Variants in NOS1 observed in about 807,000 individuals in gnomAD.
The protein encoded by NOS1 is nitric oxide synthase 1.
Under a neutral mutation model 164.5 loss-of-function variants are expected in NOS1, and 51 were observed. That is an observed-to-expected ratio of 0.31 (90% CI 0.25 to 0.39). The LOEUF is 0.39. NOS1 is among the 10% of genes least tolerant of loss of function. The pLI, the probability that NOS1 is intolerant of heterozygous loss-of-function variation, is 1.00. For missense variants in NOS1, 1,362 were observed against 1,885.6 expected (o/e 0.72, Z 5.14); for synonymous variants, 719 against 745.8 (o/e 0.96, Z 0.59).
At chr12:117,334,691 G>A (rs1875722130) in intron 1 of NOS1, among the ~76,000 whole-genome samples, 1 of 152,162 alleles carries the variant, frequency 6.6e-6, no homozygotes, top group Non-Finnish European at 1.5e-5. Context: ...CATTGCACCT[G>A]GCCGTCAATC....
chr12:117,285,740 T>G lies in NOS1; in HGVS notation c.1290+364A>C, dbSNP rs529817285. On this transcript the variant is annotated intron_variant, in intron 6 of 28. Coordinates refer to ENST00000317775, the MANE Select transcript of NOS1 (RefSeq NM_000620.5). The stretch of plus-strand genomic sequence containing the variant: ...TCCAACTTTAAACTATTTCCTAAAA[T>G]AAAATCGTAACCAAGGGACACAGAA... 2.0e-5 allele frequency among the ~76,000 whole-genome samples: 3 copies of G among 152,190 alleles called. 1 individual carries two copies. In the South Asian group the frequency reaches 6.2e-4, roughly 32 times the overall value.
rs1412366006 is a variant in NOS1, at chr12:117,259,139, G to A, written c.2368-9C>T. On this transcript the variant is annotated splice_polypyrimidine_tract_variant and intron_variant, in intron 14 of 28. Transcript: ENST00000317775. The stretch of plus-strand genomic sequence containing the variant: ...TCTTCCATGGACATCACCTAGGTGG[G>A]CAGGGCACAGGTATAGGATGGGGAG... The A allele has an allele frequency of 1.9e-6, 3 of 1,591,142 alleles. No homozygotes were observed. The highest frequency in any genetic ancestry group is 2.6e-6 in the Non-Finnish European group (3 of 1,159,300).
At position 117,215,303 on chromosome 12, in the gene NOS1, G is replaced by T; in HGVS notation, c.*6C>A. The T allele has an allele frequency of 6.4e-7, 1 of 1,557,304 alleles. No individual in the cohort carries two copies. On this transcript the variant is annotated 3_prime_UTR_variant, in exon 29 of 29. Coordinates refer to ENST00000317775, the MANE Select transcript of NOS1 (RefSeq NM_000620.5). ...AACTTGCAGCCGGCTGGGCAAGAGG[G>T]TCCAGTTAGGAGCTGAAAACCCTGT...
chr12:117,344,870 G>T (rs1392596135), intron 1 of NOS1, among the ~76,000 whole-genome samples: 1 of 152,170 alleles, frequency 6.6e-6, no homozygotes. Flanking sequence ...AAGGGTAGAA[G>T]TCACTGGTTT....
intron 8 of NOS1, among the ~76,000 whole-genome samples, chr12:117,279,829 G>A (rs1873484643): frequency 6.6e-6 from 1 of 152,190 alleles, no homozygotes; most frequent in Non-Finnish European, 1.5e-5. Flanking sequence ...CCTGGTTACA[G>A]TCCCCTCCTC....
Position 117,215,078 on chromosome 12 carries a change from G to C in NOS1, c.*231C>G, listed in dbSNP as rs1367558410. 8.2e-7 allele frequency: 1 copy of C among 1,224,622 alleles called. No homozygotes were observed. Among genetic ancestry groups the C allele is most frequent in the Non-Finnish European group, 1.0e-6 (1 of 979,190 alleles). The allele number at this position is 1,224,622 out of a possible 1,614,324, so 75.9% of individuals were successfully genotyped here. On this transcript the variant is annotated 3_prime_UTR_variant, in exon 29 of 29. Transcript: ENST00000317775. ...AGAGAGGGAGTGGGAACAGAGTTTTGTAAGAGCCACTGCAGATTAGAAAAG... is the reference window on the plus strand; with the variant it reads ...AGAGAGGGAGTGGGAACAGAGTTTTCTAAGAGCCACTGCAGATTAGAAAAG...
At chr12:117,338,143 G>A (rs533386923) in intron 1 of NOS1, among the ~76,000 whole-genome samples, 1 of 152,114 alleles carries the variant, frequency 6.6e-6, no homozygotes, top group Non-Finnish European at 1.5e-5. Context: ...CTTGAACCTG[G>A]GAGGCGGAGG....
intron 3 of NOS1, among the ~76,000 whole-genome samples, chr12:117,300,958 T>C (rs1873775626): frequency 6.6e-6 from 1 of 152,200 alleles, no homozygotes; most frequent in Non-Finnish European, 1.5e-5. Flanking sequence ...GCTCTGTGGG[T>C]AACATCTGTG....
At position 117,357,569 on chromosome 12, in the gene NOS1, C is replaced by T. The variant is rs575218793; in HGVS notation, c.-421+3943G>A. 3.9e-5 allele frequency among the ~76,000 whole-genome samples: 6 copies of T among 152,292 alleles called. No homozygotes were observed. In the South Asian group the frequency reaches 1.2e-3, roughly 32 times the overall value. On this transcript the variant is annotated intron_variant, in intron 1 of 28. Coordinates refer to ENST00000317775, the MANE Select transcript of NOS1 (RefSeq NM_000620.5). The stretch of plus-strand genomic sequence containing the variant: ...TGTGTGACTTTCATCGAGTCACATG[C>T]CTCTTCTGGGCCTCAGTTTCCCAAT...
chr12:117,341,270 T>A (rs1876100118), intron 1 of NOS1, among the ~76,000 whole-genome samples: 1 of 152,138 alleles, frequency 6.6e-6, no homozygotes, highest in Admixed American at 6.5e-5. Flanking sequence ...TGGCTCCTTT[T>A]CGGAATGCTG....
At chr12:117,240,893 C>T (rs903705567) in intron 20 of NOS1, among the ~76,000 whole-genome samples, 6 of 152,008 alleles carry the variant, frequency 3.9e-5, no homozygotes, top group Admixed American at 1.3e-4. Flanking sequence ...TTGATCAAAC[C>T]GGCTCTGTCC....
Position 117,214,495 on chromosome 12 carries a change from G to T in NOS1, c.*814C>A. 1.0e-6 allele frequency: 1 copy of T among 985,348 alleles called. No homozygotes were observed. The highest frequency in any genetic ancestry group is 1.2e-6 in the Non-Finnish European group (1 of 829,914). The allele number at this position is 985,348 out of a possible 1,614,324, so 61.0% of individuals were successfully genotyped here. On this transcript the variant is annotated 3_prime_UTR_variant, in exon 29 of 29. Transcript: ENST00000317775. ...ATGGGTGGGTTTGGGGAGGGGATTT[G>T]CACAATCCATTGGATGGGTTCATGT...
chr12:117,223,313 A>T (rs1868372376), intron 25 of NOS1, among the ~76,000 whole-genome samples: 1 of 150,862 alleles, frequency 6.6e-6, no homozygotes, highest in Admixed American at 6.6e-5. Flanking sequence ...CCCAGGCTGG[A>T]GTGCGTGGCA....
chr12:117,320,597 G>C (rs1273251614), intron 2 of NOS1, among the ~76,000 whole-genome samples: 3 of 152,196 alleles, frequency 2.0e-5, no homozygotes, highest in African/African-American at 7.2e-5. Context: ...CAGCCACCAA[G>C]TGTGGGGTGA....
rs558308413 is a variant in NOS1 at position 117,213,495 on chromosome 12, G to C, written c.*1814C>G. 8.1e-6 allele frequency: 8 copies of C among 985,422 alleles called. 1 individual carries two copies. The Admixed American group carries it at 4.3e-4, about 53-fold the overall frequency. The allele number at this position is 985,422 out of a possible 1,614,324, so 61.0% of individuals were successfully genotyped here. On this transcript the variant is annotated 3_prime_UTR_variant, in exon 29 of 29. Coordinates refer to ENST00000317775, the MANE Select transcript of NOS1 (RefSeq NM_000620.5). ...CTCCATGTGGCAGGAACAGGACACC[G>C]GTGGGGGCTGCCAGGGATGGCAGAG...
At position 117,243,145 on chromosome 12, in the gene NOS1, G is replaced by A. The variant is rs1282845682; in HGVS notation, c.2962+152C>T. The A allele has an allele frequency of 1.2e-6, 1 of 862,882 alleles. No homozygotes were observed. The highest frequency in any genetic ancestry group is 1.8e-5 in the South Asian group (1 of 56,390). The allele number at this position is 862,882 out of a possible 1,614,324, so 53.5% of individuals were successfully genotyped here. A position where few individuals can be genotyped will look rare whatever the true frequency, so the allele number is the denominator to read the frequency against. ...TACCAGCACTTGTTTTACTGAGTGT[G>A]GGAGAGCAGCAAAGTATTCATTTTG... On this transcript the variant is annotated intron_variant, in intron 19 of 28. Coordinates refer to ENST00000317775, the MANE Select transcript of NOS1 (RefSeq NM_000620.5). This position sits in a 1 kb window ranked among gnomAD's most constrained non-coding sequence, Gnocchi z 4.3.
Position 117,223,265 on chromosome 12 carries a change from CT to C in NOS1, c.3827-403del, listed in dbSNP as rs112723960. ...GCTCTGTGATGAACAACTTACTCAA[CT>C]TTTTTTTTTTTTTTGAGATGGAGTC... On this transcript the variant is annotated intron_variant, in intron 25 of 28. Coordinates refer to ENST00000317775, the MANE Select transcript of NOS1 (RefSeq NM_000620.5). Among the ~76,000 whole-genome samples, 959 of 143,336 alleles carry C rather than the reference CT, an allele frequency of 6.7e-3. 5 individuals carry two copies. Among genetic ancestry groups the C allele is most frequent in the Middle Eastern group, 0.022 (6 of 270 alleles). The allele number at this position is 143,336 out of a possible 152,430, so 94.0% of individuals were successfully genotyped here. A position where few individuals can be genotyped will look rare whatever the true frequency, so the allele number is the denominator to read the frequency against.
chr12:117,211,376 C>T lies in NOS1; in HGVS notation c.*3933G>A, dbSNP rs1956525369. The T allele has an allele frequency of 1.0e-6, 1 of 985,524 alleles. No homozygotes were observed. The highest frequency in any genetic ancestry group is 1.2e-6 in the Non-Finnish European group (1 of 830,060). The allele number at this position is 985,524 out of a possible 1,614,324, so 61.0% of individuals were successfully genotyped here. A position where few individuals can be genotyped will look rare whatever the true frequency, so the allele number is the denominator to read the frequency against. ...ACATCCGCCTCTTCCCTCACTCAAG[C>T]CTTGGTTGCAGCAATAACCCCCCCA... On this transcript the variant is annotated 3_prime_UTR_variant, in exon 29 of 29. Transcript: ENST00000317775.
intron 22 of NOS1, 94 bp from the exon 23 acceptor site, chr12:117,227,735 A>C: frequency 1.6e-6 from 2 of 1,212,286 alleles, no homozygotes; most frequent in Non-Finnish European, 2.4e-6. Context: ...GGCAAAATAA[A>C]AGTAACAGTT....
Sources: allele counts gnomAD v4.1 joint callset (sites outside exome capture counted in the v4.1 genomes callset), GRCh38; gene constraint gnomAD v4.1.1; non-coding constraint Gnocchi (gnomAD v3.1); transcripts MANE v1.5; gene names NCBI Gene and HGNC (gene_info 2026-07-23, HGNC 2026-07-21).